The following FAF1 variants were observed in gnomAD, a reference collection of about 807,000 sequenced individuals.
FAF1 encodes Fas associated factor 1.
In FAF1, 25 loss-of-function variants were observed where a neutral mutation model predicts 92.5. The observed-to-expected ratio is 0.27, with a 90% confidence interval of 0.20 to 0.38. The LOEUF is 0.38. FAF1 is among the 10% of genes least tolerant of loss of function. The pLI is 1.00. For synonymous variants in FAF1, 234 were observed against 273.2 expected (o/e 0.86, Z 1.42); for missense variants, 636 against 793.3 (o/e 0.80, Z 2.38).
intron 5 of FAF1, among the ~76,000 whole-genome samples, chr1:50,742,215 G>A (rs912186852): frequency 2.0e-5 from 3 of 152,046 alleles, no homozygotes; most frequent in Non-Finnish European, 4.4e-5. Flanking sequence ...TTAGAAGGCT[G>A]AGGTAGAAGC....
At chr1:50,579,248 T>A (rs115867430) in intron 12 of FAF1, among the ~76,000 whole-genome samples, 217 of 152,214 alleles carry the variant, frequency 1.4e-3, no homozygotes, top group Non-Finnish European at 2.6e-3. Flanking sequence ...TATACTGTAT[T>A]TTTAAGTGTA....
intron 1 of FAF1, among the ~76,000 whole-genome samples, chr1:50,899,124 G>T (rs577383688): frequency 1.3e-5 from 2 of 152,098 alleles, no homozygotes; most frequent in South Asian, 4.1e-4. Context: ...AAGTTCACTA[G>T]TATTTTTCCT....
At chr1:50,481,709 G>C (rs796984303) in intron 17 of FAF1, among the ~76,000 whole-genome samples, 1 of 152,240 alleles carries the variant, frequency 6.6e-6, no homozygotes, top group East Asian at 1.9e-4. Flanking sequence ...TAGAAGGTGG[G>C]GGGAGGGGTA....
intron 6 of FAF1, among the ~76,000 whole-genome samples, chr1:50,730,514 G>A (rs532795318): frequency 6.6e-5 from 10 of 151,868 alleles, no homozygotes; most frequent in Admixed American, 3.9e-4. Context: ...CTTACTCTGC[G>A]GTTATTATTC....
intron 1 of FAF1, among the ~76,000 whole-genome samples, chr1:50,885,312 TCACACACACACA>T (rs376434464): frequency 3.6e-4 from 50 of 137,340 alleles, no homozygotes; most frequent in Admixed American, 6.4e-4. Context: ...TCTCTCTCTC[TCACACACACACA>T]CTCTCTCTCT....
intron 18 of FAF1, among the ~76,000 whole-genome samples, chr1:50,461,196 T>C (rs1646425089): frequency 6.6e-6 from 1 of 152,188 alleles, no homozygotes; most frequent in Admixed American, 6.5e-5. Context: ...GCCTATAGAA[T>C]AATATTCTAA....
chr1:50,506,049 G>A (rs1221811614), intron 15 of FAF1, among the ~76,000 whole-genome samples: 1 of 152,172 alleles, frequency 6.6e-6, no homozygotes, highest in Non-Finnish European at 1.5e-5. Flanking sequence ...ATAGTAGAAA[G>A]TCTTGAAAAG....
chr1:50,724,286 C>CAT, intron 6 of FAF1, among the ~76,000 whole-genome samples: 1 of 120,186 alleles, frequency 8.3e-6, no homozygotes, highest in South Asian at 2.5e-4. Flanking sequence ...TACACACACA[C>CAT]ACACACACAT....
chr1:50,957,347 C>CTTTTTTTTT (rs1188286312), intron 1 of FAF1, among the ~76,000 whole-genome samples: 21 of 104,242 alleles, frequency 2.0e-4, no homozygotes, highest in South Asian at 7.2e-4. Context: ...TTTTCATTTT[C>CTTTTTTTTT]TTTTTTTTTT....
chr1:50,891,007 T>G (rs1350011408), intron 1 of FAF1, among the ~76,000 whole-genome samples: 2 of 152,202 alleles, frequency 1.3e-5, no homozygotes, highest in African/African-American at 2.4e-5. Context: ...CAATCAAACG[T>G]AGATTTGGTC....
At chr1:50,739,385 T>TGTGTACACGTACATGCATATAC (rs1557502908) in intron 5 of FAF1, among the ~76,000 whole-genome samples, 1 of 142,614 alleles carries the variant, frequency 7.0e-6, no homozygotes, top group Non-Finnish European at 1.5e-5. Context: ...CATATACATA[T>TGTGTACACGTACATGCATATAC]ATGTGTGTTT....
At chr1:50,698,016 C>A (rs1050800638) in intron 7 of FAF1, among the ~76,000 whole-genome samples, 3 of 152,088 alleles carry the variant, frequency 2.0e-5, no homozygotes, top group African/African-American at 7.2e-5. Flanking sequence ...ACCAAATAAC[C>A]TTTGGCATAT....
At chr1:50,854,608 G>A (rs769776461) in intron 2 of FAF1, among the ~76,000 whole-genome samples, 18 of 151,936 alleles carry the variant, frequency 1.2e-4, no homozygotes, top group African/African-American at 4.3e-4. Context: ...GTGGAGCCAA[G>A]TGTAGAGTAC....
chr1:50,750,584 T>C (rs1194901370), intron 4 of FAF1, among the ~76,000 whole-genome samples: 3 of 152,002 alleles, frequency 2.0e-5, no homozygotes, highest in African/African-American at 2.4e-5. Context: ...GGTTCCTTTG[T>C]TTGGAGTAAT....
chr1:50,512,893 GTCTA>G (rs1236802074), intron 15 of FAF1, among the ~76,000 whole-genome samples: 2 of 152,076 alleles, frequency 1.3e-5, no homozygotes, highest in South Asian at 2.1e-4. Flanking sequence ...TATTTTCACT[GTCTA>G]TCTATTGATT....
Position 50,788,220 on chromosome 1 carries a change from T to A in FAF1, c.162-15A>T, listed in dbSNP as rs748990535. ...CTCCATATTCACTAAAATGTTGACATAAAAGAAGGATTATTGTCAACTAAA... is the reference window on the plus strand; with the variant it reads ...CTCCATATTCACTAAAATGTTGACAAAAAAGAAGGATTATTGTCAACTAAA... On this transcript the variant is annotated splice_polypyrimidine_tract_variant and intron_variant, in intron 3 of 18. Coordinates refer to ENST00000396153, the MANE Select transcript of FAF1 (RefSeq NM_007051.3). 6.2e-7 allele frequency: 1 copy of A among 1,600,914 alleles called. No individual in the cohort carries two copies. Among genetic ancestry groups the A allele is most frequent in the Non-Finnish European group, 8.6e-7 (1 of 1,168,056 alleles).
intron 8 of FAF1, among the ~76,000 whole-genome samples, chr1:50,629,065 A>G (rs1653636116): frequency 6.6e-6 from 1 of 152,054 alleles, no homozygotes; most frequent in African/African-American, 2.4e-5. Flanking sequence ...AATGCCTTGT[A>G]TATAATAAAT....
chr1:50,742,884 G>A (rs1659443361), intron 5 of FAF1, among the ~76,000 whole-genome samples: 1 of 152,150 alleles, frequency 6.6e-6, no homozygotes, highest in Non-Finnish European at 1.5e-5. Context: ...GCCTGTTTTT[G>A]TATGGCCTGT....
intron 7 of FAF1, among the ~76,000 whole-genome samples, chr1:50,705,194 AAGGT>A (rs1264003228): frequency 6.6e-6 from 1 of 152,202 alleles, no homozygotes; most frequent in Non-Finnish European, 1.5e-5. Context: ...GCATACCAAC[AAGGT>A]ACCTCTTCTC....
Sources: allele counts gnomAD v4.1 joint callset (sites outside exome capture counted in the v4.1 genomes callset), GRCh38; gene constraint gnomAD v4.1.1; transcripts MANE v1.5; gene names NCBI Gene and HGNC (gene_info 2026-07-23, HGNC 2026-07-21).